Variants in LHFPL3 observed in about 807,000 individuals in gnomAD.
The protein encoded by LHFPL3 is LHFPL tetraspan subfamily member 3, also known as LHFPL tetraspan subfamily member 3 protein.
Under a neutral mutation model 19.3 loss-of-function variants are expected in LHFPL3, and 5 were observed. The ratio of observed to expected loss-of-function variants is 0.26; its 90% CI spans 0.14 to 0.54. The LOEUF (loss-of-function observed/expected upper bound fraction) is 0.54, where lower values mean the gene tolerates loss of function less well. LHFPL3 is among the 20% of genes least tolerant of loss of function. LHFPL3 has a pLI of 0.94. For synonymous variants in LHFPL3, 133 were observed against 126.2 expected, an observed-to-expected ratio of 1.05 and a Z score of -0.36; for missense variants, 249 against 307.4, an observed-to-expected ratio of 0.81 and a Z score of 1.42.
chr7:104,668,983 C>T (rs747918312), intron 1 of LHFPL3: 3 of 1,612,086 alleles, frequency 1.9e-6, no homozygotes, highest in South Asian at 2.2e-5. Context: ...AACTCAGGAA[C>T]GGGAACGGTC....
chr7:104,829,654 A>G (rs1035696605), intron 2 of LHFPL3, among the ~76,000 whole-genome samples: 1 of 151,896 alleles, frequency 6.6e-6, no homozygotes. Flanking sequence ...TACAAAGGAC[A>G]TGAACTCATC....
chr7:104,831,974 C>T (rs1790961167), intron 2 of LHFPL3, among the ~76,000 whole-genome samples: 1 of 151,972 alleles, frequency 6.6e-6, no homozygotes, highest in African/African-American at 2.4e-5. Context: ...TAGCCACTTT[C>T]CCTGATTAGT....
chr7:104,559,156 G>A (rs1291131323), intron 1 of LHFPL3, among the ~76,000 whole-genome samples: 23 of 139,972 alleles, frequency 1.6e-4, no homozygotes, highest in South Asian at 7.1e-4. Context: ...TTGACTTGGC[G>A]ATGCGGGCTC....
chr7:104,780,438 A>T (rs1036212676), intron 2 of LHFPL3, among the ~76,000 whole-genome samples: 1 of 152,114 alleles, frequency 6.6e-6, no homozygotes, highest in Non-Finnish European at 1.5e-5. Flanking sequence ...CCCTGCCCAG[A>T]GGACGCAGCT....
intron 1 of LHFPL3, among the ~76,000 whole-genome samples, chr7:104,441,484 G>A (rs1792222164): frequency 6.6e-6 from 1 of 152,088 alleles, no homozygotes; most frequent in Non-Finnish European, 1.5e-5. Context: ...TCCATTAATG[G>A]ATATTTATGT....
At chr7:104,845,072 TC>T (rs1381833610) in intron 2 of LHFPL3, among the ~76,000 whole-genome samples, 6 of 152,196 alleles carry the variant, frequency 3.9e-5, no homozygotes, top group Admixed American at 2.6e-4. Context: ...ATTCATTCCA[TC>T]CGCACCAAAA....
intron 1 of LHFPL3, among the ~76,000 whole-genome samples, chr7:104,674,408 T>C (rs1420715195): frequency 6.6e-6 from 1 of 151,060 alleles, no homozygotes; most frequent in Non-Finnish European, 1.5e-5. Flanking sequence ...TTCGCTCTGT[T>C]GCCAGGCTGG....
At chr7:104,778,553 C>G (rs1354662327) in intron 2 of LHFPL3, among the ~76,000 whole-genome samples, 1 of 152,176 alleles carries the variant, frequency 6.6e-6, no homozygotes, top group Non-Finnish European at 1.5e-5. Flanking sequence ...TTCCAGCAAC[C>G]ATGTGTACCT....
At chr7:104,474,780 T>C (rs1208763026) in intron 1 of LHFPL3, among the ~76,000 whole-genome samples, 1 of 151,238 alleles carries the variant, frequency 6.6e-6, no homozygotes, top group Non-Finnish European at 1.5e-5. Flanking sequence ...AAATAAATAC[T>C]GAAAAGGCAG....
chr7:104,412,296 C>G (rs1205153765), intron 1 of LHFPL3, among the ~76,000 whole-genome samples: 1 of 152,084 alleles, frequency 6.6e-6, no homozygotes, highest in Non-Finnish European at 1.5e-5. Context: ...ATTGATGAAT[C>G]TGCCCATAGT....
At chr7:104,410,954 CAGG>C (rs1412342207) in intron 1 of LHFPL3, among the ~76,000 whole-genome samples, 1 of 152,096 alleles carries the variant, frequency 6.6e-6, no homozygotes, top group Non-Finnish European at 1.5e-5. Context: ...TACAGGAAAA[CAGG>C]AGTATCGTAG....
intron 1 of LHFPL3, among the ~76,000 whole-genome samples, chr7:104,474,687 CAAAAAAAAA>C (rs928431129): frequency 4.9e-5 from 2 of 41,050 alleles, no homozygotes; most frequent in Non-Finnish European, 1.1e-4. Flanking sequence ...ACAACAACAA[CAAAAAAAAA>C]AAAAAAAAAA....
intron 1 of LHFPL3, among the ~76,000 whole-genome samples, chr7:104,679,582 A>G (rs1792656275): frequency 6.6e-6 from 1 of 152,248 alleles, no homozygotes; most frequent in Admixed American, 6.5e-5. Flanking sequence ...TAGCCAAATG[A>G]AAGAAGGCAA....
chr7:104,848,177 G>A (rs1357201791), intron 2 of LHFPL3, among the ~76,000 whole-genome samples: 2 of 152,132 alleles, frequency 1.3e-5, no homozygotes, highest in African/African-American at 4.8e-5. Context: ...TGGAAGGGTT[G>A]TACAAGAGGA....
chr7:104,476,671 G>A (rs969323191), intron 1 of LHFPL3, among the ~76,000 whole-genome samples: 4 of 152,060 alleles, frequency 2.6e-5, no homozygotes, highest in Non-Finnish European at 2.9e-5. Context: ...TGTTGGTCAG[G>A]CTGGGCTTGA....
intron 1 of LHFPL3, among the ~76,000 whole-genome samples, chr7:104,628,333 A>G (rs1294226944): frequency 6.6e-6 from 1 of 152,218 alleles, no homozygotes; most frequent in East Asian, 1.9e-4. Flanking sequence ...TCCCTACGTC[A>G]CTGCCATATT....
At chr7:104,558,070 G>T (rs1298493755) in intron 1 of LHFPL3, among the ~76,000 whole-genome samples, 1 of 149,822 alleles carries the variant, frequency 6.7e-6, no homozygotes, top group East Asian at 1.9e-4. Flanking sequence ...TCTTAATCCA[G>T]TCTATCACTG....
At chr7:104,886,428 G>A (rs184953238) in intron 2 of LHFPL3, among the ~76,000 whole-genome samples, 351 of 152,164 alleles carry the variant, frequency 2.3e-3, no homozygotes, top group Middle Eastern at 6.8e-3. Flanking sequence ...GCAGTGGTGC[G>A]ATCTCAGTTC....
At chr7:104,449,935 G>A (rs900030130) in intron 1 of LHFPL3, among the ~76,000 whole-genome samples, 3 of 152,120 alleles carry the variant, frequency 2.0e-5, no homozygotes, top group Non-Finnish European at 2.9e-5. Flanking sequence ...CACATGAAGA[G>A]GTCAGTTGTT....
Sources: gnomAD v4.1 joint callset for allele counts (sites outside exome capture counted in the v4.1 genomes callset) on GRCh38, gnomAD v4.1.1 for gene constraint, MANE v1.5 for transcripts, NCBI Gene and HGNC (gene_info 2026-07-23, HGNC 2026-07-21) for gene names.